PLXNA4: variants seen among roughly 807,000 people sequenced by gnomAD.
PLXNA4 encodes plexin A4, also known as plexin-A4.
Under a neutral mutation model 191.8 loss-of-function variants are expected in PLXNA4, and 44 were observed. The ratio of observed to expected loss-of-function variants is 0.23; its 90% CI spans 0.18 to 0.29. The LOEUF (loss-of-function observed/expected upper bound fraction) is 0.29. Among genes scored for constraint, PLXNA4 ranks in the 10% least tolerant of loss-of-function variants. PLXNA4 has a pLI of 1.00. For missense variants in PLXNA4, 1,800 were observed against 2,488.8 expected (o/e 0.72, Z 5.89); for synonymous variants, 1,082 against 1,009.5 (o/e 1.07, Z -1.36).
chr7:132,566,304 TCACA>T (rs139925090), intron 1 of PLXNA4, among the ~76,000 whole-genome samples: 2 of 151,530 alleles, frequency 1.3e-5, no homozygotes, highest in Admixed American at 1.3e-4. Flanking sequence ...CCTCTCTCTC[TCACA>T]CACACACACA....
rs1563172817 is a variant in PLXNA4 at position 132,561,576 on chromosome 7, T to TCCTCCTTTCC, written c.-87+14845_-87+14846insGGAAAGGAGG. Among the ~76,000 whole-genome samples the TCCTCCTTTCC allele has an allele frequency of 2.4e-4, 22 of 91,600 alleles. 1 individual carries two copies. Among genetic ancestry groups the TCCTCCTTTCC allele is most frequent in the African/African-American group, 1.0e-3 (22 of 21,158 alleles). 60.1% of individuals were successfully genotyped at this position (91,600 alleles called of 152,430 possible). A position where few individuals can be genotyped will look rare whatever the true frequency, so the allele number is the denominator to read the frequency against. ...TCCTCCTTCTCCTCCTCCTTTCCCC[T>TCCTCCTTTCC]CCTCCTCTTCCTCCTTCTCTTCCTC... On this transcript the variant is annotated intron_variant, in intron 1 of 31. Transcript: ENST00000321063.
intron 24 of PLXNA4, among the ~76,000 whole-genome samples, chr7:132,160,270 T>C (rs997391792): frequency 3.9e-5 from 6 of 152,176 alleles, no homozygotes; most frequent in African/African-American, 9.6e-5. Flanking sequence ...CCTTTAAAGA[T>C]TGCAGGTTCA....
At chr7:132,402,276 G>A (rs2117045225) in intron 3 of PLXNA4, among the ~76,000 whole-genome samples, 1 of 152,290 alleles carries the variant, frequency 6.6e-6, no homozygotes, top group Non-Finnish European at 1.5e-5. Context: ...GACAGGATCA[G>A]TGACAACAGT....
At chr7:132,235,737 C>A (rs927128845) in intron 5 of PLXNA4, among the ~76,000 whole-genome samples, 1 of 152,156 alleles carries the variant, frequency 6.6e-6, no homozygotes, top group African/African-American at 2.4e-5. Flanking sequence ...CTGAGACAGG[C>A]TTCTTTGCCT....
upstream of PLXNA4, among the ~76,000 whole-genome samples, chr7:132,579,225 C>T (rs2116809348): frequency 6.6e-6 from 1 of 152,080 alleles, no homozygotes; most frequent in East Asian, 1.9e-4. Context: ...TAATGGGTTA[C>T]TTAAGGAATA....
intron 9 of PLXNA4, among the ~76,000 whole-genome samples, chr7:132,217,135 G>A (rs558266623): frequency 1.3e-5 from 2 of 152,296 alleles, no homozygotes; most frequent in South Asian, 4.1e-4. Flanking sequence ...CCAGCCCCAT[G>A]CACATTTTGG....
chr7:132,223,564 G>C lies in PLXNA4; in HGVS notation c.2060C>G (p.Thr687Ser), dbSNP rs1026475114. ...CACTCGGCCTTCCTGGAAGGAGCAG[G>C]TCTTGGGGTCATGGGTGCAGACATG... ...YRHVCTHDPKTCSFQEGRVKL... is the reference protein window; with the variant it reads ...YRHVCTHDPKSCSFQEGRVKL... The change falls in exon 9 of 32, where the codon ACC becomes AGC. Residue 687 changes from threonine (T) to serine (S), a missense_variant. By Grantham distance (58) the Thr-to-Ser change is moderately conservative. Around this residue, in one of 6 missense-constraint regions of PLXNA4, gnomAD observed 1,397 missense variants for 1,880.4 expected, o/e 0.74. Transcript: ENST00000321063. 6.2e-7 allele frequency: 1 copy of C among 1,613,812 alleles called. No homozygotes were observed. The highest frequency in any genetic ancestry group is 1.7e-5 in the Admixed American group (1 of 60,004).
intron 2 of PLXNA4, among the ~76,000 whole-genome samples, chr7:132,496,783 G>A (rs1242875922): frequency 6.6e-6 from 1 of 152,158 alleles, no homozygotes; most frequent in Non-Finnish European, 1.5e-5. Flanking sequence ...TCAGAGGAAG[G>A]CAGGGGACTG....
intron 1 of PLXNA4, among the ~76,000 whole-genome samples, chr7:132,562,778 C>A (rs1801288336): frequency 7.9e-6 from 1 of 127,022 alleles, no homozygotes; most frequent in Non-Finnish European, 1.6e-5. Context: ...CCTTTTCCTC[C>A]CCCTCTTCTT....
chr7:132,443,150 C>A (rs1001082035), intron 3 of PLXNA4, among the ~76,000 whole-genome samples: 7 of 152,212 alleles, frequency 4.6e-5, no homozygotes, highest in African/African-American at 1.7e-4. Context: ...CCCTCAGATT[C>A]TCTTGGGGAA....
intron 21 of PLXNA4, among the ~76,000 whole-genome samples, chr7:132,171,635 C>A (rs1796289636): frequency 6.6e-6 from 1 of 152,148 alleles, no homozygotes; most frequent in Non-Finnish European, 1.5e-5. Flanking sequence ...GCGAGGCTGC[C>A]CCTTCTCTGT....
At chr7:132,210,170 T>G (rs777057606) in intron 10 of PLXNA4, among the ~76,000 whole-genome samples, 1 of 152,200 alleles carries the variant, frequency 6.6e-6, no homozygotes, top group Non-Finnish European at 1.5e-5. Flanking sequence ...TGTCTAGTGT[T>G]TGTCTCTGAG....
At chr7:132,484,567 T>G (rs1297429639) in intron 3 of PLXNA4, among the ~76,000 whole-genome samples, 1 of 152,260 alleles carries the variant, frequency 6.6e-6, no homozygotes. Flanking sequence ...TTTCCCTTTG[T>G]GCTTGTGATC....
rs569929083 is a variant in PLXNA4 at position 132,571,445 on chromosome 7, G to A, written c.-87+4977C>T. On this transcript the variant is annotated intron_variant, in intron 1 of 31. Transcript: ENST00000321063. ...CCATAGGATCCAGGCACCCAGCACC[G>A]CATGATGTCCCTAGGCACTGATTTC... Among the ~76,000 whole-genome samples the A allele has an allele frequency of 6.8e-4, 103 of 152,252 alleles. 1 individual carries two copies. The highest frequency in any genetic ancestry group is 2.3e-3 in the African/African-American group (97 of 41,540).
chr7:132,346,846 T>C (rs1279310860), intron 3 of PLXNA4, among the ~76,000 whole-genome samples: 1 of 152,202 alleles, frequency 6.6e-6, no homozygotes, highest in Non-Finnish European at 1.5e-5. Context: ...TTCAGGTAGA[T>C]ATTATTGATG....
chr7:132,178,285 G>A (rs1235513103), intron 20 of PLXNA4, among the ~76,000 whole-genome samples: 1 of 152,148 alleles, frequency 6.6e-6, no homozygotes. Context: ...TCCAGGTATG[G>A]AGGCTGCTCT....
rs1036570195 is a variant in PLXNA4 at position 132,259,071 on chromosome 7, A to G, written c.1504-17905T>C. On this transcript the variant is annotated intron_variant, in intron 4 of 31. Coordinates refer to ENST00000321063, the MANE Select transcript of PLXNA4 (RefSeq NM_020911.2). The stretch of plus-strand genomic sequence containing the variant: ...ACAAATAGCTAGGAGCATTCTTTAC[A>G]TCTCTTGGTGACTTAGCTTCTAAAG... Among the ~76,000 whole-genome samples the G allele has an allele frequency of 2.6e-5, 4 of 152,112 alleles. No individual in the cohort carries two copies. In the East Asian group the frequency reaches 7.7e-4, roughly 29 times the overall value.
chr7:132,506,696 C>T (rs1228137394), intron 2 of PLXNA4, among the ~76,000 whole-genome samples: 3 of 152,168 alleles, frequency 2.0e-5, no homozygotes, highest in Non-Finnish European at 4.4e-5. Flanking sequence ...TCCCCTGCTT[C>T]ACCTGGGGTA....
chr7:132,411,057 A>G (rs1794439337), intron 3 of PLXNA4, among the ~76,000 whole-genome samples: 1 of 152,252 alleles, frequency 6.6e-6, no homozygotes, highest in African/African-American at 2.4e-5. Flanking sequence ...TGAGGGTTTC[A>G]ATGCAAGGAA....
Sources: gnomAD v4.1 joint callset for allele counts (sites outside exome capture counted in the v4.1 genomes callset) on GRCh38, gnomAD v4.1.1 for gene constraint, gnomAD v4.1.1 regional missense constraint, MANE v1.5 for transcripts, NCBI Gene and HGNC (gene_info 2026-07-23, HGNC 2026-07-21) for gene names.